DRAM1: variants seen among roughly 807,000 people sequenced by gnomAD.
The protein encoded by DRAM1 is DNA damage regulated autophagy modulator 1.
A neutral mutation model predicts 28.5 loss-of-function variants in DRAM1; 25 were observed. That is an observed-to-expected ratio of 0.88 (90% CI 0.64 to 1.23). The LOEUF (loss-of-function observed/expected upper bound fraction) is 1.23. Ranked by LOEUF, DRAM1 falls within the 50% of genes most tolerant of loss-of-function variation. The probability of loss-of-function intolerance (pLI) is 0.00; values close to 1 mark genes in which losing one functional copy is unlikely to be tolerated. For missense variants in DRAM1, 249 were observed against 299.2 expected (o/e 0.83, Z 1.24); for synonymous variants, 113 against 114.2 (o/e 0.99, Z 0.07).
Position 101,922,638 on chromosome 12 carries a change from C to T in DRAM1, c.*1378C>T, listed in dbSNP as rs1874526386. 6.6e-6 allele frequency: 1 copy of T among 152,248 alleles called. No homozygotes were observed. Among genetic ancestry groups the T allele is most frequent in the Non-Finnish European group, 1.5e-5 (1 of 68,058 alleles). The allele number at this position is 152,248 out of a possible 1,614,324, so 9.4% of individuals were successfully genotyped here. A position where few individuals can be genotyped will look rare whatever the true frequency, so the allele number is the denominator to read the frequency against. ...ATGTGTTTAGCATATGTTATTAGAA[C>T]ATGTCCGACACCCCTACCGCTGCCA... On this transcript the variant is annotated 3_prime_UTR_variant, in exon 7 of 7. Transcript: ENST00000258534.
Position 101,877,807 on chromosome 12 carries a change from G to A in DRAM1, c.18G>A (p.Arg6=), listed in dbSNP as rs1872542292. ...GCGGCGCGATGCTGTGCTTCCTGAG[G>A]GGAATGGCTTTCGTCCCCTTCCTCT... MLCFL[R]GMAFVPFLLV... Residue 6 remains arginine, a synonymous_variant, in exon 1 of 7, where the codon AGG becomes AGA. Coordinates refer to ENST00000258534, the MANE Select transcript of DRAM1 (RefSeq NM_018370.3). The surrounding 1 kb of genome is among the most constrained non-coding windows in gnomAD (Gnocchi z 4.1). 6.5e-7 allele frequency: 1 copy of A among 1,539,692 alleles called. No individual in the cohort carries two copies. The highest frequency in any genetic ancestry group is 1.2e-5 in the South Asian group (1 of 82,768).
intron 2 of DRAM1, among the ~76,000 whole-genome samples, chr12:101,900,840 C>A (rs7306175): frequency 0.59 from 88,997 of 151,908 alleles, 27,984 homozygotes; most frequent in African/African-American, 0.82. Context: ...ATATTCATGG[C>A]GTGTTGTTTG....
intron 4 of DRAM1, among the ~76,000 whole-genome samples, chr12:101,909,488 GT>G (rs1873956897): frequency 6.6e-6 from 1 of 152,104 alleles, no homozygotes; most frequent in Non-Finnish European, 1.5e-5. Context: ...TGTACTCAAA[GT>G]AATAGCCCCA....
chr12:101,914,338 A>C (rs1874152929), intron 5 of DRAM1, 106 bp downstream of exon 5: 1 of 676,582 alleles, frequency 1.5e-6, no homozygotes, highest in East Asian at 2.9e-5. Context: ...ACAAGTTGCA[A>C]AATGTCAAAT....
At chr12:101,901,515 C>G in intron 3 of DRAM1, 82 bp downstream of exon 3, 2 of 1,488,418 alleles carry the variant, frequency 1.3e-6, no homozygotes, top group Non-Finnish European at 1.8e-6. Context: ...AAGAGGCACA[C>G]TTATGCCATT....
chr12:101,909,083 G>C (rs1873938473), intron 4 of DRAM1, among the ~76,000 whole-genome samples: 1 of 151,954 alleles, frequency 6.6e-6, no homozygotes, highest in Admixed American at 6.6e-5. Context: ...CCAACATGGA[G>C]AAACCCTGTC....
intron 1 of DRAM1, among the ~76,000 whole-genome samples, chr12:101,891,213 T>G (rs1185089850): frequency 1.3e-5 from 2 of 152,210 alleles, no homozygotes; most frequent in Admixed American, 6.5e-5. Context: ...GATGTTCTCT[T>G]TATACTGGGG....
At chr12:101,911,692 CAT>C (rs1290856850) in intron 4 of DRAM1, among the ~76,000 whole-genome samples, 1 of 152,056 alleles carries the variant, frequency 6.6e-6, no homozygotes. Flanking sequence ...AAATGTAAAA[CAT>C]ATACCTGATT....
chr12:101,918,321 TATC>T (rs1317711266), intron 5 of DRAM1, among the ~76,000 whole-genome samples: 1 of 152,246 alleles, frequency 6.6e-6, no homozygotes, highest in East Asian at 1.9e-4. Flanking sequence ...CTTTCACTAA[TATC>T]ATGCTTAAGA....
intron 1 of DRAM1, among the ~76,000 whole-genome samples, chr12:101,890,968 C>T (rs1202163250): frequency 6.6e-6 from 1 of 151,960 alleles, no homozygotes. Context: ...CCAGGATGGT[C>T]TCGATCTCTT....
rs188161073 is a variant in DRAM1 at position 101,913,023 on chromosome 12, C to T, written c.521-1151C>T. On this transcript the variant is annotated intron_variant, in intron 4 of 6. Transcript: ENST00000258534. Reference sequence around the variant, plus strand: ...GATTACAGGTGTGAGCCACTGCGCCCGGCCTAACATTTTGAATTTCTAATA... The same window carrying T: ...GATTACAGGTGTGAGCCACTGCGCCTGGCCTAACATTTTGAATTTCTAATA... Among the ~76,000 whole-genome samples, 510 of 152,262 alleles carry T rather than the reference C, an allele frequency of 3.3e-3. 2 individuals are homozygous for T. The highest frequency in any genetic ancestry group is 0.02 in the Middle Eastern group (6 of 294).
At chr12:101,891,536 G>A (rs1273982313) in intron 1 of DRAM1, among the ~76,000 whole-genome samples, 1 of 152,188 alleles carries the variant, frequency 6.6e-6, no homozygotes, top group East Asian at 1.9e-4. Context: ...TTAGTTTGAA[G>A]TAGGATGTTA....
At chr12:101,898,447 G>A (rs1873470851) in intron 2 of DRAM1, among the ~76,000 whole-genome samples, 1 of 152,196 alleles carries the variant, frequency 6.6e-6, no homozygotes, top group African/African-American at 2.4e-5. Flanking sequence ...TTAGTAATTT[G>A]TAACAGGATT....
At chr12:101,888,128 T>C (rs1460402226) in intron 1 of DRAM1, among the ~76,000 whole-genome samples, 2 of 152,002 alleles carry the variant, frequency 1.3e-5, no homozygotes, top group Admixed American at 6.6e-5. Flanking sequence ...TAGAAAAGTA[T>C]TATTATTATT....
intron 4 of DRAM1, among the ~76,000 whole-genome samples, chr12:101,912,524 TAA>T (rs1266520561): frequency 6.6e-6 from 1 of 152,098 alleles, no homozygotes; most frequent in East Asian, 1.9e-4. Flanking sequence ...GAGCTAAGAA[TAA>T]ATAAACGAAA....
intron 1 of DRAM1, among the ~76,000 whole-genome samples, chr12:101,887,938 C>G (rs1400108744): frequency 6.6e-6 from 1 of 152,084 alleles, no homozygotes; most frequent in Non-Finnish European, 1.5e-5. Context: ...TCAGCCGTAA[C>G]AATGAGTACC....
chr12:101,901,698 G>A, intron 3 of DRAM1: 1 of 363,524 alleles, frequency 2.8e-6, no homozygotes, highest in African/African-American at 2.1e-5. Flanking sequence ...TGGCCAACAT[G>A]GTGAAGCCTC....
rs372399648 is a variant in DRAM1 at position 101,907,600 on chromosome 12, G to A, written c.343-586G>A. On this transcript the variant is annotated intron_variant, in intron 3 of 6. Coordinates refer to ENST00000258534, the MANE Select transcript of DRAM1 (RefSeq NM_018370.3). ...CTAAAAATACAAAAATTAGCCGGGC[G>A]TGGTGGCACGTGCCTGTAATCCCAA... Among the ~76,000 whole-genome samples, 878 of 152,164 alleles carry A rather than the reference G, an allele frequency of 5.8e-3. 3 individuals are homozygous for A. Among genetic ancestry groups the A allele is most frequent in the Middle Eastern group, 0.02 (6 of 294 alleles).
chr12:101,899,458 C>T (rs1223384214), intron 2 of DRAM1, among the ~76,000 whole-genome samples: 2 of 151,852 alleles, frequency 1.3e-5, no homozygotes, highest in Non-Finnish European at 2.9e-5. Flanking sequence ...GAGTTCAAGA[C>T]CAGCCTGGGC....
Sources: allele counts gnomAD v4.1 joint callset (sites outside exome capture counted in the v4.1 genomes callset), GRCh38; gene constraint gnomAD v4.1.1; non-coding constraint Gnocchi (gnomAD v3.1); transcripts MANE v1.5; gene names NCBI Gene and HGNC (gene_info 2026-07-23, HGNC 2026-07-21).